Variants in DNM1 observed in about 807,000 individuals in gnomAD.
DNM1 encodes the protein dynamin 1.
DNM1 carries 29 observed loss-of-function variants against 104.6 expected under a neutral mutation model. The observed-to-expected ratio is 0.28, with a 90% CI of 0.21 to 0.38. The LOEUF (loss-of-function observed/expected upper bound fraction) is 0.38. Among genes scored for constraint, DNM1 ranks in the 10% least tolerant of loss-of-function variants. DNM1 has a pLI of 1.00. For synonymous variants in DNM1, 445 were observed against 475.8 expected, an observed-to-expected ratio of 0.94 and a Z score of 0.84; for missense variants, 640 against 1,189.4, an observed-to-expected ratio of 0.54 and a Z score of 6.79.
chr9:128,208,200 C>T (rs1834088620), intron 1 of DNM1, among the ~76,000 whole-genome samples: 1 of 152,172 alleles, frequency 6.6e-6, no homozygotes, highest in African/African-American at 2.4e-5. Flanking sequence ...GCTGGGATTA[C>T]AGGCATGTAC....
In DNM1 at chr9:128,218,213, A is replaced by G; in HGVS notation, c.162-18A>G. ...CCCCTCATATCTTGACCCTCCTTTGACCTCCAACTCATTGCAGGGACTTCT... is the reference window on the plus strand; with the variant it reads ...CCCCTCATATCTTGACCCTCCTTTGGCCTCCAACTCATTGCAGGGACTTCT... On this transcript the variant is annotated intron_variant, in intron 1 of 21. Coordinates refer to ENST00000372923, the MANE Select transcript of DNM1 (RefSeq NM_004408.4). The surrounding 1 kb of genome is among the most constrained non-coding windows in gnomAD (Gnocchi z 4.8). 6.2e-7 allele frequency: 1 copy of G among 1,613,386 alleles called. No individual in the cohort carries two copies. Among genetic ancestry groups the G allele is most frequent in the Non-Finnish European group, 8.5e-7 (1 of 1,179,570 alleles).
chr9:128,236,054 T>C (rs1372474974), intron 11 of DNM1, among the ~76,000 whole-genome samples: 2 of 152,126 alleles, frequency 1.3e-5, no homozygotes, highest in African/African-American at 4.8e-5. Context: ...ATCCTTGTGG[T>C]CCTCTCTTTG....
rs1187157751 is a variant in DNM1, at chr9:128,222,024, C to G, written c.850-173C>G. Reference sequence around the variant, plus strand: ...GCACTCATTAATTCAACTAATACATCTCTGCAAGCTCCTTCTATGAACCAG... The same window carrying G: ...GCACTCATTAATTCAACTAATACATGTCTGCAAGCTCCTTCTATGAACCAG... On this transcript the variant is annotated intron_variant, in intron 6 of 21. Coordinates refer to ENST00000372923, the MANE Select transcript of DNM1 (RefSeq NM_004408.4). This position sits in a 1 kb window ranked among gnomAD's most constrained non-coding sequence, Gnocchi z 7.8. Among the ~76,000 whole-genome samples the G allele has an allele frequency of 6.6e-6, 1 of 152,228 alleles. No homozygotes were observed. The highest frequency in any genetic ancestry group is 1.9e-4 in the East Asian group (1 of 5,200).
chr9:128,203,674 G>A lies in DNM1; in HGVS notation c.161+43G>A, dbSNP rs768734624. On this transcript the variant is annotated intron_variant, in intron 1 of 21. Transcript: ENST00000372923. The surrounding 1 kb of genome is among the most constrained non-coding windows in gnomAD (Gnocchi z 5.3). ...CCAGGCGCCGACCCCCGACCCCCGG[G>A]ATCCCTGGAGTCCCCGCCCGGGGCA... 2.7e-6 allele frequency: 4 copies of A among 1,461,844 alleles called. No individual in the cohort carries two copies. In the Admixed American group the frequency reaches 7.8e-5, roughly 29 times the overall value. The allele number at this position is 1,461,844 out of a possible 1,614,324, so 90.6% of individuals were successfully genotyped here.
At position 128,211,472 on chromosome 9, in the gene DNM1, C is replaced by CTTT. The variant is rs56712140; in HGVS notation, c.162-6735_162-6733dup. On this transcript the variant is annotated intron_variant, in intron 1 of 21. Transcript: ENST00000372923. Reference sequence around the variant, plus strand: ...ATGCTGTTCTCTCGCCTGGAAGCCTCTTTTTTTTTTTTTTTTTTTTTTTTT... The same window carrying CTTT: ...ATGCTGTTCTCTCGCCTGGAAGCCTCTTTTTTTTTTTTTTTTTTTTTTTTTTTT... 2.3e-3 allele frequency among the ~76,000 whole-genome samples: 176 copies of CTTT among 78,116 alleles called. 9 individuals are homozygous for CTTT. The highest frequency in any genetic ancestry group is 9.3e-3 in the East Asian group (23 of 2,482). The allele number at this position is 78,116 out of a possible 152,430, so 51.2% of individuals were successfully genotyped here. A position where few individuals can be genotyped will look rare whatever the true frequency, so the allele number is the denominator to read the frequency against.
At position 128,224,281 on chromosome 9, in the gene DNM1, TGA is replaced by T; in HGVS notation, c.1230_1231del (p.Glu410AspfsTer30). 1 of 1,613,820 alleles carries T rather than the reference TGA, an allele frequency of 6.2e-7. No homozygotes were observed. The highest frequency in any genetic ancestry group is 8.5e-7 in the Non-Finnish European group (1 of 1,179,822). ...GGCTGTTTACCCCAGACATGGCCTTTGAGACCATTGTGAAAAAGCAGGTGAAG... is the reference window on the plus strand; with the variant it reads ...GGCTGTTTACCCCAGACATGGCCTTTGACCATTGTGAAAAAGCAGGTGAAG... ...TGLFTPDMAF[E>X]TIVKKQVKKI... On this transcript the variant is annotated frameshift_variant, in exon 10 of 22. Coordinates refer to ENST00000372923, the MANE Select transcript of DNM1 (RefSeq NM_004408.4). LOFTEE classifies it high-confidence loss of function. The surrounding 1 kb of genome is among the most constrained non-coding windows in gnomAD (Gnocchi z 4.3).
chr9:128,254,544 C>G lies in DNM1; in HGVS notation c.2535-110C>G. On this transcript the variant is annotated intron_variant, in intron 21 of 21. Coordinates refer to ENST00000372923, the MANE Select transcript of DNM1 (RefSeq NM_004408.4). The surrounding 1 kb of genome is among the most constrained non-coding windows in gnomAD (Gnocchi z 6.1). ...CCTGCAGCCTCCCCTCCCCGGCCCT[C>G]CCACCACTGCTGCGGCGCGGCCGGC... 6.4e-7 allele frequency: 1 copy of G among 1,563,698 alleles called. No homozygotes were observed. The highest frequency in any genetic ancestry group is 8.6e-7 in the Non-Finnish European group (1 of 1,162,458).
chr9:128,217,575 C>T (rs1055226421), intron 1 of DNM1, among the ~76,000 whole-genome samples: 3 of 152,172 alleles, frequency 2.0e-5, no homozygotes, highest in African/African-American at 4.8e-5. Flanking sequence ...TGACACCCCG[C>T]CGGCTAATTT....
At chr9:128,229,452 C>T (rs1050930420) in intron 10 of DNM1, among the ~76,000 whole-genome samples, 2 of 151,714 alleles carry the variant, frequency 1.3e-5, no homozygotes, top group Non-Finnish European at 1.5e-5. Context: ...AAAAGATTAG[C>T]TGGGCATGAT....
At position 128,253,079 on chromosome 9, in the gene DNM1, T is replaced by C. The variant is rs1409928713; in HGVS notation, c.2535-1575T>C. 1.2e-6 allele frequency: 2 copies of C among 1,611,504 alleles called. No individual in the cohort carries two copies. Among genetic ancestry groups the C allele is most frequent in the South Asian group, 1.1e-5 (1 of 91,048 alleles). ...CCACCCGTGCGTGTGAACTGCCATG[T>C]TGATTTCGTGCTGTCTTTCAGAATC... is the stretch of plus-strand genomic sequence containing the variant. On this transcript the variant is annotated intron_variant, in intron 21 of 21. Coordinates refer to ENST00000372923, the MANE Select transcript of DNM1 (RefSeq NM_004408.4). The surrounding 1 kb of genome is among the most constrained non-coding windows in gnomAD (Gnocchi z 5.9).
At chr9:128,211,195 GC>G (rs113574484) in intron 1 of DNM1, among the ~76,000 whole-genome samples, 10,387 of 152,006 alleles carry the variant, frequency 0.068, 629 homozygotes, top group East Asian at 0.35. Context: ...TTCCTCCCTT[GC>G]CCCCTAATCC....
At chr9:128,223,026 G>C (rs771877171) in intron 9 of DNM1, 166 bp downstream of exon 9, 23 of 701,798 alleles carry the variant, frequency 3.3e-5, no homozygotes, top group Non-Finnish European at 4.7e-5. Flanking sequence ...GCTCCAGCTT[G>C]GGGAGGTGGA....
At position 128,248,097 on chromosome 9, in the gene DNM1, G is replaced by C. The variant is rs1204477856; in HGVS notation, c.1905+162G>C. On this transcript the variant is annotated intron_variant, in intron 18 of 21. Coordinates refer to ENST00000372923, the MANE Select transcript of DNM1 (RefSeq NM_004408.4). The surrounding 1 kb of genome is among the most constrained non-coding windows in gnomAD (Gnocchi z 5.6). ...TAAACCCAACACTTTGGGAGGCCGA[G>C]GTGGGCGGATCACAAGGTCAGGAGT... The C allele has an allele frequency of 4.3e-6, 4 of 924,922 alleles. No individual in the cohort carries two copies. Among genetic ancestry groups the C allele is most frequent in the East Asian group, 4.9e-5 (2 of 40,536 alleles). The allele number at this position is 924,922 out of a possible 1,614,324, so 57.3% of individuals were successfully genotyped here.
In DNM1 at chr9:128,234,006, C is replaced by T. The variant is rs764771425; in HGVS notation, c.1336-15C>T. On this transcript the variant is annotated splice_polypyrimidine_tract_variant and intron_variant, in intron 10 of 21. Coordinates refer to ENST00000372923, the MANE Select transcript of DNM1 (RefSeq NM_004408.4). ...CTCTGTGTACGTGGCTTTCTGCCCT[C>T]CTGCCCTTCCCCAGCTCCAGCAGTA... 2.6e-6 allele frequency: 4 copies of T among 1,554,986 alleles called. No homozygotes were observed. In the African/African-American group the frequency reaches 4.1e-5, roughly 16 times the overall value.
At chr9:128,251,629 C>A (rs564736487) in intron 21 of DNM1, 145 of 129,236 alleles carry the variant, frequency 1.1e-3, no homozygotes, top group Non-Finnish European at 1.9e-3. Flanking sequence ...TTTCCTCCCC[C>A]CAACCACCCC....
rs1337865207 is a variant in DNM1, at chr9:128,250,717, G to A, written c.2319-8G>A. Reference sequence around the variant, plus strand: ...CTCTCCTTGTTCCTCGCTCCCTGTCGCCCTCAGGTCGCCCACGTCCAGCCC... The same window carrying A: ...CTCTCCTTGTTCCTCGCTCCCTGTCACCCTCAGGTCGCCCACGTCCAGCCC... On this transcript the variant is annotated splice_polypyrimidine_tract_variant and splice_region_variant and intron_variant, in intron 20 of 21. Transcript: ENST00000372923. 4.8e-6 allele frequency: 7 copies of A among 1,460,436 alleles called. No homozygotes were observed. Among genetic ancestry groups the A allele is most frequent in the East Asian group, 6.0e-5 (2 of 33,406 alleles). The allele number at this position is 1,460,436 out of a possible 1,614,324, so 90.5% of individuals were successfully genotyped here. A position where few individuals can be genotyped will look rare whatever the true frequency, so the allele number is the denominator to read the frequency against.
chr9:128,224,409 C>T lies in DNM1; in HGVS notation c.1335+20C>T, dbSNP rs774438617. The stretch of plus-strand genomic sequence containing the variant: ...AAGAAGGTAACCCGGAGGCCCGGGC[C>T]AGCCCCCACCGCCTCTGCCCCGCCC... On this transcript the variant is annotated intron_variant, in intron 10 of 21. Coordinates refer to ENST00000372923, the MANE Select transcript of DNM1 (RefSeq NM_004408.4). This position sits in a 1 kb window ranked among gnomAD's most constrained non-coding sequence, Gnocchi z 4.3. The T allele has an allele frequency of 1.2e-6, 2 of 1,601,156 alleles. No individual in the cohort carries two copies. Among genetic ancestry groups the T allele is most frequent in the Admixed American group, 3.4e-5 (2 of 59,494 alleles).
chr9:128,204,376 A>C (rs976167107), intron 1 of DNM1: 10 of 152,230 alleles, frequency 6.6e-5, no homozygotes, highest in African/African-American at 1.9e-4. Context: ...GGCCAGAGGA[A>C]TCGTGTTGGA....
chr9:128,222,920 G>A lies in DNM1; in HGVS notation c.1196+60G>A. The A allele has an allele frequency of 6.5e-7, 1 of 1,533,678 alleles. No individual in the cohort carries two copies. Among genetic ancestry groups the A allele is most frequent in the Non-Finnish European group, 9.0e-7 (1 of 1,109,950 alleles). ...CAGAAGTAGGGGGTCTGGGACAGAG[G>A]CACAGGGAGTGATGAAGTGGGCCTC... On this transcript the variant is annotated intron_variant, in intron 9 of 21. Coordinates refer to ENST00000372923, the MANE Select transcript of DNM1 (RefSeq NM_004408.4). This position sits in a 1 kb window ranked among gnomAD's most constrained non-coding sequence, Gnocchi z 7.8.
Sources: allele counts gnomAD v4.1 joint callset (sites outside exome capture counted in the v4.1 genomes callset), GRCh38; gene constraint gnomAD v4.1.1; non-coding constraint Gnocchi (gnomAD v3.1); transcripts MANE v1.5; gene names NCBI Gene and HGNC (gene_info 2026-07-23, HGNC 2026-07-21).